The following CALD1 variants were observed in gnomAD, a reference collection of about 807,000 sequenced individuals.
CALD1 encodes the protein caldesmon.
CALD1 carries 33 observed loss-of-function variants against 99.9 expected under a neutral mutation model. The observed-to-expected ratio is 0.33, with a 90% CI of 0.25 to 0.44. CALD1 has a LOEUF of 0.44. CALD1 is among the 20% of genes least tolerant of loss of function. The probability of loss-of-function intolerance (pLI) is 1.00; values close to 1 mark genes in which losing one functional copy is unlikely to be tolerated. For synonymous variants in CALD1, 310 were observed against 325.0 expected (o/e 0.95, Z 0.50); for missense variants, 861 against 962.1 (o/e 0.89, Z 1.39).
chr7:134,734,206 A>T, the CALD1 span, among the ~76,000 whole-genome samples: 2 of 152,032 alleles, frequency 1.3e-5, no homozygotes, highest in Admixed American at 6.5e-5. Context: ...AATTAAAACA[A>T]TGTTTCCTAT....
intron 1 of CALD1, among the ~76,000 whole-genome samples, chr7:134,756,112 A>C (rs1034319483): frequency 2.6e-5 from 4 of 151,734 alleles, no homozygotes; most frequent in African/African-American, 9.7e-5. Flanking sequence ...ACTCGTCTTG[A>C]ACTCCTGACC....
chr7:134,799,302 C>T (rs1412212850), intron 1 of CALD1, among the ~76,000 whole-genome samples: 1 of 152,078 alleles, frequency 6.6e-6, no homozygotes, highest in African/African-American at 2.4e-5. Flanking sequence ...AAAATAACAA[C>T]AATTTGAATT....
intron 1 of CALD1, among the ~76,000 whole-genome samples, chr7:134,759,524 C>T (rs899199901): frequency 2.0e-5 from 3 of 152,008 alleles, no homozygotes; most frequent in African/African-American, 7.2e-5. Flanking sequence ...GGCAGCAAGG[C>T]ACATTCAGGA....
chr7:134,865,463 G>A (rs1206651464), intron 2 of CALD1, among the ~76,000 whole-genome samples: 3 of 152,172 alleles, frequency 2.0e-5, no homozygotes, highest in African/African-American at 4.8e-5. Flanking sequence ...AAAAGCACTG[G>A]TCTGTAGGAA....
At chr7:134,947,271 T>C (rs1480248088) in intron 7 of CALD1, among the ~76,000 whole-genome samples, 1 of 152,144 alleles carries the variant, frequency 6.6e-6, no homozygotes, top group East Asian at 1.9e-4. Context: ...TACAATCCCA[T>C]TTTACAGTGC....
At chr7:134,939,597 T>C (rs770400533) in intron 6 of CALD1, among the ~76,000 whole-genome samples, 22 of 152,104 alleles carry the variant, frequency 1.4e-4, no homozygotes, top group Non-Finnish European at 2.6e-4. Flanking sequence ...AATCAGATAA[T>C]ACCCAAAGAA....
At chr7:134,770,168 G>C (rs1796865730) in intron 1 of CALD1, among the ~76,000 whole-genome samples, 1 of 152,088 alleles carries the variant, frequency 6.6e-6, no homozygotes, top group Non-Finnish European at 1.5e-5. Flanking sequence ...GCAAACATTT[G>C]TTTCTTGCTC....
intron 6 of CALD1, among the ~76,000 whole-genome samples, chr7:134,937,363 T>C (rs1339770792): frequency 2.6e-5 from 4 of 152,196 alleles, no homozygotes; most frequent in Non-Finnish European, 4.4e-5. Flanking sequence ...TTTTCCCAAG[T>C]TGCCCCTCAG....
At chr7:134,863,601 A>G (rs886592605) in intron 2 of CALD1, among the ~76,000 whole-genome samples, 1 of 152,236 alleles carries the variant, frequency 6.6e-6, no homozygotes, top group Admixed American at 6.5e-5. Context: ...GACCCAAACA[A>G]AAGCAGAAAC....
intron 1 of CALD1, among the ~76,000 whole-genome samples, chr7:134,781,441 C>A (rs1342737269): frequency 6.6e-6 from 1 of 152,032 alleles, no homozygotes; most frequent in Non-Finnish European, 1.5e-5. Flanking sequence ...TAAAAACACT[C>A]ATTTTTTTCC....
chr7:134,779,571 C>G, upstream of CALD1: 1 of 397,986 alleles, frequency 2.5e-6, no homozygotes, highest in Non-Finnish European at 4.4e-6. Context: ...GATATGTGTT[C>G]ACTTAGCATG....
intron 3 of CALD1, among the ~76,000 whole-genome samples, chr7:134,883,322 T>C (rs1801693220): frequency 1.3e-5 from 2 of 152,228 alleles, no homozygotes; most frequent in African/African-American, 4.8e-5. Flanking sequence ...TTTCACATCA[T>C]TGGCTTTCAA....
At chr7:134,951,052 G>A (rs760218582) in intron 9 of CALD1, among the ~76,000 whole-genome samples, 3 of 152,204 alleles carry the variant, frequency 2.0e-5, no homozygotes, top group African/African-American at 4.8e-5. Context: ...CTCATAGGTG[G>A]CACCTTCTCC....
Position 134,867,763 on chromosome 7 carries a change from T to C in CALD1, c.30T>C (p.Leu10=), listed in dbSNP as rs1586152964. 6.2e-7 allele frequency: 1 copy of C among 1,610,782 alleles called. No homozygotes were observed. The highest frequency in any genetic ancestry group is 8.5e-7 in the Non-Finnish European group (1 of 1,178,018). The change falls in exon 3 of 15, where the codon CTT becomes CTC. Residue 10 remains leucine, a synonymous_variant. Transcript: ENST00000361675. The stretch of plus-strand genomic sequence containing the variant: ...ATGATTTTGAGCGTCGCAGAGAACT[T>C]AGAAGGCAAAAGAGGGAGGAGATGC... The part of the protein sequence containing the change: MDDFERRRE[L]RRQKREEMRL...
At chr7:134,891,382 A>G in intron 3 of CALD1, 2 of 1,255,750 alleles carry the variant, frequency 1.6e-6, no homozygotes, top group Non-Finnish European at 2.0e-6. Flanking sequence ...CAGCTCTCTG[A>G]TGATCCTGTG....
intron 2 of CALD1, among the ~76,000 whole-genome samples, chr7:134,862,218 C>A (rs1800593052): frequency 1.3e-5 from 2 of 152,162 alleles, no homozygotes; most frequent in African/African-American, 4.8e-5. Context: ...TTCTTTGGGG[C>A]ACTCTTGTTT....
At chr7:134,892,666 G>A (rs1190062654) in intron 3 of CALD1, among the ~76,000 whole-genome samples, 1 of 152,190 alleles carries the variant, frequency 6.6e-6, no homozygotes, top group Admixed American at 6.5e-5. Context: ...GGTTATTCAC[G>A]TGGGAGAGCT....
chr7:134,874,172 T>A (rs987179025), intron 3 of CALD1, among the ~76,000 whole-genome samples: 1 of 152,126 alleles, frequency 6.6e-6, no homozygotes, highest in African/African-American at 2.4e-5. Context: ...TTTCTTTTTT[T>A]CTTTTTTTCT....
At chr7:134,864,115 C>G (rs1800686930) in intron 2 of CALD1, among the ~76,000 whole-genome samples, 1 of 152,032 alleles carries the variant, frequency 6.6e-6, no homozygotes, top group Admixed American at 6.5e-5. Context: ...CTTTGGGAGG[C>G]CGAGGGGAGG....
Sources: allele counts gnomAD v4.1 joint callset (sites outside exome capture counted in the v4.1 genomes callset), GRCh38; gene constraint gnomAD v4.1.1; transcripts MANE v1.5; gene names NCBI Gene and HGNC (gene_info 2026-07-23, HGNC 2026-07-21).